CLDN10: variants seen among roughly 807,000 people sequenced by gnomAD.
The protein encoded by CLDN10 is claudin 10, also known as claudin-10.
A neutral mutation model predicts 22.9 loss-of-function variants in CLDN10; 15 were observed. The ratio of observed to expected loss-of-function variants is 0.65; its 90% CI spans 0.44 to 1.01. CLDN10 has a LOEUF of 1.01. Ranked by LOEUF, CLDN10 falls within the 50% of genes least tolerant of loss-of-function variation. The probability of loss-of-function intolerance (pLI) is 0.00; values close to 1 mark genes in which losing one functional copy is unlikely to be tolerated. For missense variants in CLDN10, 247 were observed against 287.8 expected (o/e 0.86, Z 1.03); for synonymous variants, 114 against 111.4 (o/e 1.02, Z -0.15).
chr13:95,434,749 T>C (rs55773637), intron 1 of CLDN10, among the ~76,000 whole-genome samples: 16,407 of 151,996 alleles, frequency 0.11, 1,091 homozygotes, highest in South Asian at 0.25. Context: ...ACTCTTTCCT[T>C]TGGAGTCACA....
intron 1 of CLDN10, among the ~76,000 whole-genome samples, chr13:95,439,480 C>A (rs1420772999): frequency 6.6e-6 from 1 of 151,906 alleles, no homozygotes; most frequent in East Asian, 1.9e-4. Context: ...ACTACAGGCA[C>A]CCACCAGCAC....
At chr13:95,533,116 C>T (rs2043363090) in intron 1 of CLDN10, among the ~76,000 whole-genome samples, 1 of 146,544 alleles carries the variant, frequency 6.8e-6, no homozygotes, top group East Asian at 2.0e-4. Flanking sequence ...ATTTTTACAT[C>T]AAAAGAAAAA....
At chr13:95,459,201 T>C (rs1210190423) in intron 1 of CLDN10, among the ~76,000 whole-genome samples, 8 of 152,212 alleles carry the variant, frequency 5.3e-5, no homozygotes, top group Admixed American at 5.2e-4. Flanking sequence ...GCGTTGAGTG[T>C]CTGCAACTTT....
At chr13:95,493,684 C>A (rs545399397) in intron 1 of CLDN10, among the ~76,000 whole-genome samples, 2 of 151,976 alleles carry the variant, frequency 1.3e-5, no homozygotes, top group South Asian at 2.1e-4. Flanking sequence ...CTCAGTCTCC[C>A]GAGTAGCTGG....
intron 1 of CLDN10, among the ~76,000 whole-genome samples, chr13:95,556,689 A>G (rs2043643875): frequency 6.6e-6 from 1 of 152,208 alleles, no homozygotes; most frequent in Non-Finnish European, 1.5e-5. Context: ...CAGAGGTGAA[A>G]CTCAGAGTTC....
intron 1 of CLDN10, among the ~76,000 whole-genome samples, chr13:95,436,345 G>A (rs546245118): frequency 6.6e-6 from 1 of 152,080 alleles, no homozygotes; most frequent in Admixed American, 6.5e-5. Context: ...CACAACACTT[G>A]GCTAATTTTT....
chr13:95,534,399 T>G (rs551224940), intron 1 of CLDN10, among the ~76,000 whole-genome samples: 1 of 152,210 alleles, frequency 6.6e-6, no homozygotes, highest in East Asian at 1.9e-4. Flanking sequence ...TTATAAAATC[T>G]TATGTGGTAA....
At chr13:95,522,511 C>G (rs549408691) in intron 1 of CLDN10, among the ~76,000 whole-genome samples, 2 of 152,054 alleles carry the variant, frequency 1.3e-5, no homozygotes, top group East Asian at 3.9e-4. Flanking sequence ...TTGTTTGTGA[C>G]CTAGCTTACA....
chr13:95,458,518 G>A (rs1698637273), intron 1 of CLDN10, among the ~76,000 whole-genome samples: 1 of 152,176 alleles, frequency 6.6e-6, no homozygotes. Context: ...TTCTTCACAG[G>A]CAGCAGGAAG....
chr13:95,521,222 AAAG>A (rs1173225488), intron 1 of CLDN10, among the ~76,000 whole-genome samples: 1 of 152,210 alleles, frequency 6.6e-6, no homozygotes, highest in Non-Finnish European at 1.5e-5. Flanking sequence ...TACAATTTGA[AAAG>A]AAGTGACAAT....
At chr13:95,483,147 T>C (rs1002458276) in intron 1 of CLDN10, among the ~76,000 whole-genome samples, 2 of 152,206 alleles carry the variant, frequency 1.3e-5, no homozygotes, top group Non-Finnish European at 2.9e-5. Flanking sequence ...GGTTGGTTTA[T>C]GTAAAAGGTG....
At chr13:95,529,766 A>T (rs1270694085) in intron 1 of CLDN10, among the ~76,000 whole-genome samples, 1 of 152,134 alleles carries the variant, frequency 6.6e-6, no homozygotes, top group Non-Finnish European at 1.5e-5. Flanking sequence ...TACAGTTAAT[A>T]TTCCAGTTTC....
At chr13:95,564,233 T>G (rs2043754632) in intron 3 of CLDN10, among the ~76,000 whole-genome samples, 2 of 152,204 alleles carry the variant, frequency 1.3e-5, no homozygotes, top group African/African-American at 4.8e-5. Context: ...GCACAGTACC[T>G]AGAAGTGAAA....
At chr13:95,449,719 CCATG>C (rs2042414653) in intron 1 of CLDN10, among the ~76,000 whole-genome samples, 1 of 150,786 alleles carries the variant, frequency 6.6e-6, no homozygotes, top group African/African-American at 2.4e-5. Flanking sequence ...GTGCACACCA[CCATG>C]CTAGCTAATT....
intron 1 of CLDN10, among the ~76,000 whole-genome samples, chr13:95,532,847 T>C (rs12868726): frequency 0.11 from 13,400 of 118,138 alleles, 866 homozygotes; most frequent in Middle Eastern, 0.19. Flanking sequence ...TGCAACAACA[T>C]AGATGAGTCT....
intron 1 of CLDN10, among the ~76,000 whole-genome samples, chr13:95,462,739 T>C (rs545665593): frequency 2.7e-4 from 41 of 152,182 alleles, no homozygotes; most frequent in African/African-American, 9.6e-4. Flanking sequence ...TCATTCTAAA[T>C]AACAGCTGAG....
rs530435772 is a variant in CLDN10 at position 95,453,044 on chromosome 13, C to T, written c.214+18997C>T. The stretch of plus-strand genomic sequence containing the variant: ...TTCCTATTTATAAACTTTGATTCTT[C>T]CCTTAATCAGCATGCAATGGTTTTT... On this transcript the variant is annotated intron_variant, in intron 1 of 4. Transcript: ENST00000376873. Among the ~76,000 whole-genome samples, 38 of 152,228 alleles carry T rather than the reference C, an allele frequency of 2.5e-4. No individual in the cohort carries two copies. The South Asian group carries it at 7.9e-3, about 32-fold the overall frequency.
intron 1 of CLDN10, among the ~76,000 whole-genome samples, chr13:95,439,568 A>C (rs1457461578): frequency 6.6e-6 from 1 of 152,048 alleles, no homozygotes; most frequent in African/African-American, 2.4e-5. Context: ...TCCTGTCCTC[A>C]AGTGATCTGC....
intron 1 of CLDN10, among the ~76,000 whole-genome samples, chr13:95,547,291 G>T (rs1292079062): frequency 2.0e-5 from 3 of 151,878 alleles, no homozygotes. Context: ...TGACTTCCTG[G>T]TTTCCCTCCC....
Sources: allele counts gnomAD v4.1 joint callset (sites outside exome capture counted in the v4.1 genomes callset), GRCh38; gene constraint gnomAD v4.1.1; transcripts MANE v1.5; gene names NCBI Gene and HGNC (gene_info 2026-07-23, HGNC 2026-07-21).